ADAMTSL1: variants seen among roughly 807,000 people sequenced by gnomAD.
ADAMTSL1 encodes the protein ADAMTS like 1.
ADAMTSL1 carries 126 observed loss-of-function variants against 201.8 expected under a neutral mutation model. The observed-to-expected ratio is 0.62, with a 90% CI of 0.54 to 0.72. The LOEUF (loss-of-function observed/expected upper bound fraction) is 0.72. Among genes scored for constraint, ADAMTSL1 ranks in the 30% least tolerant of loss-of-function variants. The pLI is 0.00. For missense variants in ADAMTSL1, 2,679 were observed against 2,277.8 expected, an observed-to-expected ratio of 1.18 and a Z score of -3.59; for synonymous variants, 1,121 against 903.4, an observed-to-expected ratio of 1.24 and a Z score of -4.32.
chr9:17,993,611 C>T (rs547319204), intron 1 of ADAMTSL1, among the ~76,000 whole-genome samples: 1 of 152,244 alleles, frequency 6.6e-6, no homozygotes, highest in Admixed American at 6.5e-5. Flanking sequence ...AACTTGGTCA[C>T]CCTTAGTCTT....
At chr9:18,511,847 G>GT (rs1435043432) in intron 2 of ADAMTSL1, among the ~76,000 whole-genome samples, 1 of 152,154 alleles carries the variant, frequency 6.6e-6, no homozygotes, top group Admixed American at 6.5e-5. Context: ...ACAAATGTTT[G>GT]TTTTTTTCTC....
intron 2 of ADAMTSL1, among the ~76,000 whole-genome samples, chr9:18,193,559 GC>G (rs1448572741): frequency 9.9e-5 from 15 of 152,148 alleles, no homozygotes; most frequent in Non-Finnish European, 1.5e-4. Context: ...TTCAGAGATT[GC>G]TTTGATGTCC....
intron 2 of ADAMTSL1, among the ~76,000 whole-genome samples, chr9:18,363,117 G>T (rs529447980): frequency 6.6e-6 from 1 of 152,278 alleles, no homozygotes; most frequent in Admixed American, 6.5e-5. Context: ...AGCAACTGAC[G>T]ATGGAACCAG....
rs998959789 is a variant in ADAMTSL1 at position 18,908,568 on chromosome 9, A to G, written c.*20A>G. The stretch of plus-strand genomic sequence containing the variant: ...GCGTGAAGATAGGGTGTGGGGAAAA[A>G]CTCTACCCTGGCCACACGAAGGACT... On this transcript the variant is annotated 3_prime_UTR_variant, in exon 29 of 29. Coordinates refer to ENST00000380548, the MANE Select transcript of ADAMTSL1 (RefSeq NM_001040272.6). 3.2e-6 allele frequency: 5 copies of G among 1,544,790 alleles called. No individual in the cohort carries two copies. The Admixed American group carries it at 9.8e-5, about 30-fold the overall frequency.
At chr9:18,534,232 A>T (rs1003722817) in intron 3 of ADAMTSL1, among the ~76,000 whole-genome samples, 6 of 152,114 alleles carry the variant, frequency 3.9e-5, no homozygotes, top group African/African-American at 1.4e-4. Flanking sequence ...CAGGAAGTGG[A>T]TGAGGAGCAA....
chr9:18,446,303 A>G (rs1213076222), intron 2 of ADAMTSL1, among the ~76,000 whole-genome samples: 1 of 152,218 alleles, frequency 6.6e-6, no homozygotes, highest in East Asian at 1.9e-4. Flanking sequence ...CTGGGGGAAA[A>G]AAATGTTGAC....
At chr9:18,798,740 C>T (rs1218430489) in intron 20 of ADAMTSL1, among the ~76,000 whole-genome samples, 5 of 152,226 alleles carry the variant, frequency 3.3e-5, no homozygotes, top group Admixed American at 2.6e-4. Flanking sequence ...CCCTGGCCCA[C>T]AGCAAGATGC....
chr9:18,707,182 A>G, intron 14 of ADAMTSL1, 134 bp downstream of exon 14: 1 of 1,143,902 alleles, frequency 8.7e-7, no homozygotes, highest in Non-Finnish European at 1.2e-6. Context: ...AGCCATTCTA[A>G]ATGTAAAGCA....
At chr9:18,833,627 T>G (rs1825134427) in intron 23 of ADAMTSL1, among the ~76,000 whole-genome samples, 1 of 152,230 alleles carries the variant, frequency 6.6e-6, no homozygotes, top group Non-Finnish European at 1.5e-5. Context: ...TGCAAAAATT[T>G]TCTCCCATTC....
chr9:18,559,566 G>A (rs1339764823), intron 3 of ADAMTSL1, among the ~76,000 whole-genome samples: 1 of 152,096 alleles, frequency 6.6e-6, no homozygotes, highest in East Asian at 1.9e-4. Flanking sequence ...TAGCTTGATG[G>A]CGATAGCATT....
At chr9:18,265,275 G>A (rs567520040) in intron 2 of ADAMTSL1, among the ~76,000 whole-genome samples, 1 of 151,966 alleles carries the variant, frequency 6.6e-6, no homozygotes, top group Non-Finnish European at 1.5e-5. Context: ...TTCTGCCAGA[G>A]CTCTGCATGT....
At chr9:18,681,998 TTG>T in intron 12 of ADAMTSL1, 39 bp downstream of exon 12, 1 of 1,607,928 alleles carries the variant, frequency 6.2e-7, no homozygotes, top group South Asian at 1.1e-5. Context: ...CTGTTAATTG[TTG>T]TGTGTAGTCA....
chr9:18,663,467 C>G (rs912356782), intron 9 of ADAMTSL1, among the ~76,000 whole-genome samples: 16 of 151,984 alleles, frequency 1.1e-4, no homozygotes, highest in African/African-American at 3.4e-4. Flanking sequence ...AGGGTTTGAA[C>G]TTTTTAGCCA....
chr9:18,153,540 C>A (rs2132053382), intron 1 of ADAMTSL1, among the ~76,000 whole-genome samples: 1 of 152,082 alleles, frequency 6.6e-6, no homozygotes, highest in African/African-American at 2.4e-5. Context: ...AGCTTAAAGC[C>A]TCATGGTCAC....
At chr9:18,328,622 A>G (rs1834917721) in intron 2 of ADAMTSL1, among the ~76,000 whole-genome samples, 1 of 152,228 alleles carries the variant, frequency 6.6e-6, no homozygotes, top group African/African-American at 2.4e-5. Context: ...GTCTGGCACT[A>G]AAAGATCATG....
intron 9 of ADAMTSL1, among the ~76,000 whole-genome samples, chr9:18,670,744 T>C (rs1014294674): frequency 2.0e-5 from 3 of 152,200 alleles, no homozygotes; most frequent in South Asian, 2.1e-4. Context: ...TCCTAAGAGA[T>C]GCAGTAAAGA....
chr9:18,314,074 G>A (rs1289832220), intron 2 of ADAMTSL1, among the ~76,000 whole-genome samples: 1 of 152,134 alleles, frequency 6.6e-6, no homozygotes, highest in East Asian at 1.9e-4. Context: ...ACAGGTATGT[G>A]AGAAGATGCT....
At chr9:18,039,881 A>G (rs1338599457) in intron 1 of ADAMTSL1, among the ~76,000 whole-genome samples, 5 of 152,156 alleles carry the variant, frequency 3.3e-5, no homozygotes, top group Admixed American at 3.3e-4. Context: ...AGCCGATAAG[A>G]TTTCTGAATC....
At chr9:18,819,028 A>G (rs1458273459) in intron 21 of ADAMTSL1, among the ~76,000 whole-genome samples, 2 of 152,184 alleles carry the variant, frequency 1.3e-5, no homozygotes, top group African/African-American at 4.8e-5. Flanking sequence ...GTGCCAGTAG[A>G]GCCCTTTCTG....
Sources: gnomAD v4.1 joint callset for allele counts (sites outside exome capture counted in the v4.1 genomes callset) on GRCh38, gnomAD v4.1.1 for gene constraint, MANE v1.5 for transcripts, NCBI Gene and HGNC (gene_info 2026-07-23, HGNC 2026-07-21) for gene names.